Variants in GTF3C6 observed in about 807,000 individuals in gnomAD.
The protein encoded by GTF3C6 is general transcription factor 3C polypeptide 6.
Under a neutral mutation model 19.2 loss-of-function variants are expected in GTF3C6, and 11 were observed. The observed-to-expected ratio is 0.57, with a 90% CI of 0.36 to 0.95. The LOEUF is 0.95. Ranked by LOEUF, GTF3C6 falls within the 40% of genes least tolerant of loss-of-function variation. The pLI is 0.01. For missense variants in GTF3C6, 222 were observed against 254.7 expected, an observed-to-expected ratio of 0.87 and a Z score of 0.87; for synonymous variants, 87 against 84.2, an observed-to-expected ratio of 1.03 and a Z score of -0.18.
intron 5 of GTF3C6, among the ~76,000 whole-genome samples, chr6:110,964,622 T>C (rs2114259429): frequency 6.6e-6 from 1 of 151,866 alleles, no homozygotes; most frequent in Admixed American, 6.6e-5. Flanking sequence ...TGCCCAGCCT[T>C]TCTTTTCCTT....
intron 4 of GTF3C6, among the ~76,000 whole-genome samples, chr6:110,961,976 C>G (rs992605696): frequency 5.3e-5 from 8 of 151,802 alleles, no homozygotes; most frequent in Non-Finnish European, 1.0e-4. Flanking sequence ...AATCTCTGCT[C>G]ACTGCAACCT....
At position 110,958,753 on chromosome 6, in the gene GTF3C6, C is replaced by A. The variant is rs1771115549; in HGVS notation, c.-17C>A. On this transcript the variant is annotated 5_prime_UTR_variant, in exon 1 of 6. Coordinates refer to ENST00000329970, the MANE Select transcript of GTF3C6 (RefSeq NM_138408.4). The stretch of plus-strand genomic sequence containing the variant: ...GCGGGCGTGGCCAGTGACTAGAAGG[C>A]GAGGCGCCGCGGGACCATGGCGGCG... 2 of 1,550,514 alleles carry A rather than the reference C, an allele frequency of 1.3e-6. No homozygotes were observed. Among genetic ancestry groups the A allele is most frequent in the African/African-American group, 1.4e-5 (1 of 73,212 alleles).
rs1771128813 is a variant in GTF3C6, at chr6:110,959,379, G to A, written c.138+127G>A. ...ACCTTACAAAGTAGTGAACTCTAAG[G>A]ATAAGAAGTATACTAAGTATAATTA... On this transcript the variant is annotated intron_variant, in intron 2 of 5. Coordinates refer to ENST00000329970, the MANE Select transcript of GTF3C6 (RefSeq NM_138408.4). The A allele has an allele frequency of 1.1e-5, 7 of 644,110 alleles. No homozygotes were observed. The South Asian group carries it at 1.1e-4, about 10-fold the overall frequency. The allele number at this position is 644,110 out of a possible 1,614,324, so 39.9% of individuals were successfully genotyped here. A position where few individuals can be genotyped will look rare whatever the true frequency, so the allele number is the denominator to read the frequency against.
intron 5 of GTF3C6, among the ~76,000 whole-genome samples, chr6:110,966,701 T>G (rs548013031): frequency 6.6e-6 from 1 of 152,170 alleles, no homozygotes; most frequent in Non-Finnish European, 1.5e-5. Context: ...GAAACAGACA[T>G]GGATGAATAA....
At chr6:110,960,283 C>T in intron 2 of GTF3C6, 131 bp from the exon 3 acceptor site, 1 of 688,776 alleles carries the variant, frequency 1.5e-6, no homozygotes, top group Non-Finnish European at 2.4e-6. Flanking sequence ...GTAGTTTATC[C>T]TGTACTTGGT....
intron 4 of GTF3C6, 89 bp downstream of exon 4, chr6:110,960,705 C>G: frequency 1.0e-6 from 1 of 1,003,204 alleles, no homozygotes; most frequent in East Asian, 2.4e-5. Flanking sequence ...CACTGTCTAG[C>G]TGTATCATAT....
intron 5 of GTF3C6, among the ~76,000 whole-genome samples, chr6:110,965,841 A>C (rs1472450004): frequency 1.3e-5 from 2 of 152,224 alleles, no homozygotes; most frequent in Admixed American, 1.3e-4. Flanking sequence ...GCTTAAAACA[A>C]CAACAAAAAA....
intron 5 of GTF3C6, among the ~76,000 whole-genome samples, chr6:110,965,325 C>T (rs535331621): frequency 6.6e-6 from 1 of 152,146 alleles, no homozygotes; most frequent in East Asian, 1.9e-4. Flanking sequence ...GACTTTTAGA[C>T]TAGTGCTTCT....
At chr6:110,964,781 A>G (rs1311140514) in intron 5 of GTF3C6, among the ~76,000 whole-genome samples, 1 of 151,484 alleles carries the variant, frequency 6.6e-6, no homozygotes, top group Admixed American at 6.6e-5. Flanking sequence ...AGCTGGGATT[A>G]CAGGTGCCCA....
At chr6:110,961,931 T>C (rs577131539) in intron 4 of GTF3C6, among the ~76,000 whole-genome samples, 2 of 152,232 alleles carry the variant, frequency 1.3e-5, no homozygotes, top group East Asian at 3.9e-4. Context: ...TGAGACAGTT[T>C]TGCTTTTGTT....
chr6:110,962,544 C>G (rs1230912747), intron 5 of GTF3C6, 39 bp downstream of exon 5: 1 of 1,052,596 alleles, frequency 9.5e-7, no homozygotes. Flanking sequence ...TGATCCAGTA[C>G]TGGCTTTGAC....
intron 4 of GTF3C6, among the ~76,000 whole-genome samples, chr6:110,962,108 T>A (rs1335922299): frequency 6.6e-6 from 1 of 152,116 alleles, no homozygotes; most frequent in Non-Finnish European, 1.5e-5. Flanking sequence ...TTCATCATGT[T>A]GGCCAGGCTG....
In GTF3C6 at chr6:110,959,834, G is replaced by A. The variant is rs1394552354; in HGVS notation, c.139-580G>A. 2.0e-5 allele frequency among the ~76,000 whole-genome samples: 3 copies of A among 152,106 alleles called. No homozygotes were observed. In the East Asian group the frequency reaches 5.8e-4, roughly 29 times the overall value. On this transcript the variant is annotated intron_variant, in intron 2 of 5. Coordinates refer to ENST00000329970, the MANE Select transcript of GTF3C6 (RefSeq NM_138408.4). ...TAGCCAGGCATGGTGGTGGGCGCCTGTAATCCCAGCTACTCGGGAGGCCGA... is the reference window on the plus strand; with the variant it reads ...TAGCCAGGCATGGTGGTGGGCGCCTATAATCCCAGCTACTCGGGAGGCCGA...
At position 110,962,476 on chromosome 6, in the gene GTF3C6, CAGAG is replaced by C; in HGVS notation, c.334_337del (p.Glu112ArgfsTer8). 1 of 1,607,446 alleles carries C rather than the reference CAGAG, an allele frequency of 6.2e-7. No individual in the cohort carries two copies. The highest frequency in any genetic ancestry group is 8.5e-7 in the Non-Finnish European group (1 of 1,173,974). ...CTCAGCATGACAAGAACTCTCCTGA[CAGAG>C]AAGAAGGAAGGAGAAGAAAACATAG... On this transcript the variant is annotated frameshift_variant, in exon 5 of 6. Transcript: ENST00000329970. LOFTEE classifies it high-confidence loss of function.
intron 5 of GTF3C6, among the ~76,000 whole-genome samples, chr6:110,966,708 A>G (rs1481139565): frequency 1.3e-5 from 2 of 152,216 alleles, no homozygotes; most frequent in Non-Finnish European, 2.9e-5. Context: ...ACATGGATGA[A>G]TAAGAGTGAA....
chr6:110,959,971 AAATAAT>A (rs1554244839), intron 2 of GTF3C6, among the ~76,000 whole-genome samples: 1 of 151,374 alleles, frequency 6.6e-6, no homozygotes, highest in Admixed American at 6.6e-5. Context: ...TAAAAAAAAA[AAATAAT>A]AATAATAATA....
rs150678471 is a variant in GTF3C6 at position 110,960,264 on chromosome 6, A to G, written c.139-150A>G. 8.2e-3 allele frequency: 5,079 copies of G among 620,678 alleles called. 36 individuals are homozygous for G. Among genetic ancestry groups the G allele is most frequent in the Non-Finnish European group, 0.01 (3,725 of 355,854 alleles). The allele number at this position is 620,678 out of a possible 1,614,324, so 38.4% of individuals were successfully genotyped here. On this transcript the variant is annotated intron_variant, in intron 2 of 5. Transcript: ENST00000329970. ...TCTTCAGGTTGTAACTGCTGTGATC[A>G]GAGCAGTTGTAGTTTATCCTGTACT...
intron 2 of GTF3C6, among the ~76,000 whole-genome samples, chr6:110,959,560 A>G (rs1771131559): frequency 6.6e-6 from 1 of 152,188 alleles, no homozygotes; most frequent in South Asian, 2.1e-4. Flanking sequence ...CCGTACATAT[A>G]TTCCTGTATT....
chr6:110,966,608 C>T lies in GTF3C6; in HGVS notation c.362-902C>T, dbSNP rs529798556. Among the ~76,000 whole-genome samples, 5 of 152,246 alleles carry T rather than the reference C, an allele frequency of 3.3e-5. No individual in the cohort carries two copies. The East Asian group carries it at 5.8e-4, about 18-fold the overall frequency. On this transcript the variant is annotated intron_variant, in intron 5 of 5. Transcript: ENST00000329970. ...CATCTTGCAGTCTGGCTACCAAACA[C>T]GGCTACATGCTGGAGGCAAAACAGG...
Sources: allele counts gnomAD v4.1 joint callset (sites outside exome capture counted in the v4.1 genomes callset), GRCh38; gene constraint gnomAD v4.1.1; transcripts MANE v1.5; gene names NCBI Gene and HGNC (gene_info 2026-07-23, HGNC 2026-07-21).